The following ZNF704 variants were observed in gnomAD, a reference collection of about 807,000 sequenced individuals.
ZNF704 encodes the protein zinc finger protein 704.
ZNF704 carries 10 observed loss-of-function variants against 44.7 expected under a neutral mutation model. The ratio of observed to expected loss-of-function variants is 0.22; its 90% CI spans 0.14 to 0.38. ZNF704 has a LOEUF of 0.38. ZNF704 is among the 10% of genes least tolerant of loss of function. The pLI is 1.00. For missense variants in ZNF704, 390 were observed against 545.5 expected (o/e 0.71, Z 2.84); for synonymous variants, 211 against 207.6 (o/e 1.02, Z -0.14).
At chr8:80,754,343 C>T (rs1806999827) in intron 2 of ZNF704, among the ~76,000 whole-genome samples, 1 of 152,060 alleles carries the variant, frequency 6.6e-6, no homozygotes, top group Admixed American at 6.6e-5. Context: ...CTAACTAGTC[C>T]AACAAATATA....
chr8:80,829,649 C>A (rs899050278), intron 1 of ZNF704, among the ~76,000 whole-genome samples: 1 of 152,112 alleles, frequency 6.6e-6, no homozygotes, highest in Non-Finnish European at 1.5e-5. Context: ...AAATAGAATA[C>A]ATTTCCTATA....
Position 80,630,042 on chromosome 8 carries a change from G to A in ZNF704, c.*11324C>T, listed in dbSNP as rs531101397. On this transcript the variant is annotated 3_prime_UTR_variant, in exon 9 of 9. Transcript: ENST00000327835. The stretch of plus-strand genomic sequence containing the variant: ...TTCAATCTTTAAAAACATCAAGTAG[G>A]AGAATATAGATGGGCTTCCCATATC... 8.5e-5 allele frequency: 13 copies of A among 152,294 alleles called. No homozygotes were observed. The highest frequency in any genetic ancestry group is 3.1e-4 in the African/African-American group (13 of 41,558). 9.4% of individuals were successfully genotyped at this position (152,294 alleles called of 1,614,324 possible). A position where few individuals can be genotyped will look rare whatever the true frequency, so the allele number is the denominator to read the frequency against.
At chr8:80,736,770 C>T (rs187951604) in intron 2 of ZNF704, among the ~76,000 whole-genome samples, 13 of 152,104 alleles carry the variant, frequency 8.5e-5, no homozygotes, top group Admixed American at 6.6e-4. Context: ...AATGAGTGCA[C>T]CAAAATCTCA....
At chr8:80,737,835 C>A (rs2131688422) in intron 2 of ZNF704, among the ~76,000 whole-genome samples, 1 of 152,202 alleles carries the variant, frequency 6.6e-6, no homozygotes, top group East Asian at 1.9e-4. Context: ...CCTAAGAAAG[C>A]AGCATTAGTA....
chr8:80,650,108 T>C (rs1046961557), intron 7 of ZNF704, among the ~76,000 whole-genome samples: 2 of 152,210 alleles, frequency 1.3e-5, no homozygotes, highest in African/African-American at 2.4e-5. Flanking sequence ...GGGTCCTGAC[T>C]GTTAGAAGGA....
chr8:80,754,364 G>A (rs1586003693), intron 2 of ZNF704, among the ~76,000 whole-genome samples: 1 of 152,010 alleles, frequency 6.6e-6, no homozygotes, highest in Non-Finnish European at 1.5e-5. Flanking sequence ...GAAAAGGAAA[G>A]AACAAAAATA....
chr8:80,810,228 C>T (rs1290092551), intron 2 of ZNF704, among the ~76,000 whole-genome samples: 2 of 152,172 alleles, frequency 1.3e-5, no homozygotes, highest in Non-Finnish European at 2.9e-5. Flanking sequence ...CATCACCTAA[C>T]AGATAAAAAT....
At chr8:80,820,543 C>A (rs1358863240) in intron 2 of ZNF704, among the ~76,000 whole-genome samples, 1 of 151,440 alleles carries the variant, frequency 6.6e-6, no homozygotes, top group Non-Finnish European at 1.5e-5. Flanking sequence ...TTTTCTTTTA[C>A]ATATTTTAGA....
In ZNF704 at chr8:80,630,658, G is replaced by C. The variant is rs1817568902; in HGVS notation, c.*10708C>G. 1 of 152,126 alleles carries C rather than the reference G, an allele frequency of 6.6e-6. No homozygotes were observed. Among genetic ancestry groups the C allele is most frequent in the Non-Finnish European group, 1.5e-5 (1 of 68,014 alleles). 9.4% of individuals were successfully genotyped at this position (152,126 alleles called of 1,614,324 possible). A position where few individuals can be genotyped will look rare whatever the true frequency, so the allele number is the denominator to read the frequency against. Reference sequence around the variant, plus strand: ...AAATGACCGTAGGCCACTCGCAGTTGCATCTGATGATAGTCATGAACCCTT... The same window carrying C: ...AAATGACCGTAGGCCACTCGCAGTTCCATCTGATGATAGTCATGAACCCTT... On this transcript the variant is annotated 3_prime_UTR_variant, in exon 9 of 9. Coordinates refer to ENST00000327835, the MANE Select transcript of ZNF704 (RefSeq NM_001033723.3).
intron 4 of ZNF704, among the ~76,000 whole-genome samples, chr8:80,678,496 A>C (rs1563515871): frequency 6.6e-6 from 1 of 152,244 alleles, no homozygotes; most frequent in Non-Finnish European, 1.5e-5. Context: ...TAAGGCAATA[A>C]GAGCTTAAGA....
chr8:80,748,612 G>A (rs1378386363), intron 2 of ZNF704, among the ~76,000 whole-genome samples: 1 of 152,194 alleles, frequency 6.6e-6, no homozygotes, highest in Admixed American at 6.5e-5. Context: ...TAGTGGAAAT[G>A]GTAGGGGAAT....
chr8:80,727,159 G>T (rs553452673), intron 2 of ZNF704, among the ~76,000 whole-genome samples: 1 of 152,170 alleles, frequency 6.6e-6, no homozygotes, highest in Non-Finnish European at 1.5e-5. Context: ...CTGCCAGGTA[G>T]AATAGCAAGA....
Position 80,629,567 on chromosome 8 carries a change from G to T in ZNF704, c.*11799C>A, listed in dbSNP as rs1817552275. The T allele has an allele frequency of 6.6e-6, 1 of 152,118 alleles. No individual in the cohort carries two copies. Among genetic ancestry groups the T allele is most frequent in the African/African-American group, 2.4e-5 (1 of 41,428 alleles). 9.4% of individuals were successfully genotyped at this position (152,118 alleles called of 1,614,324 possible). A position where few individuals can be genotyped will look rare whatever the true frequency, so the allele number is the denominator to read the frequency against. ...AATGTAGTAAAGCACTGATTAAAGA[G>T]CGAAGACAAATTATTAGGGGAAAAA... On this transcript the variant is annotated 3_prime_UTR_variant, in exon 9 of 9. Coordinates refer to ENST00000327835, the MANE Select transcript of ZNF704 (RefSeq NM_001033723.3).
intron 3 of ZNF704, among the ~76,000 whole-genome samples, chr8:80,687,683 T>A (rs1818563427): frequency 6.6e-6 from 1 of 152,260 alleles, no homozygotes; most frequent in Admixed American, 6.5e-5. Flanking sequence ...TAATAGGTTT[T>A]TCTAAGAGTT....
At chr8:80,705,525 T>C (rs537764946) in intron 2 of ZNF704, among the ~76,000 whole-genome samples, 1 of 151,942 alleles carries the variant, frequency 6.6e-6, no homozygotes, top group African/African-American at 2.4e-5. Context: ...TCTCTGCATT[T>C]GTATCTATGT....
intron 1 of ZNF704, among the ~76,000 whole-genome samples, chr8:80,847,442 C>G (rs138770091): frequency 6.6e-6 from 1 of 152,102 alleles, no homozygotes; most frequent in Non-Finnish European, 1.5e-5. Context: ...ATCAAAATTC[C>G]AGCAATATTT....
intron 2 of ZNF704, among the ~76,000 whole-genome samples, chr8:80,768,747 C>T (rs983883695): frequency 6.6e-6 from 1 of 152,118 alleles, no homozygotes; most frequent in Admixed American, 6.5e-5. Context: ...TACATCTCTT[C>T]CCAACCCCGT....
intron 2 of ZNF704, among the ~76,000 whole-genome samples, chr8:80,802,958 G>C (rs913641110): frequency 6.6e-6 from 1 of 152,074 alleles, no homozygotes; most frequent in African/African-American, 2.4e-5. Context: ...CAGCCCAAAA[G>C]CTTCTCAAGC....
chr8:80,710,975 G>C (rs767466236), intron 2 of ZNF704, among the ~76,000 whole-genome samples: 4 of 152,182 alleles, frequency 2.6e-5, no homozygotes, highest in Non-Finnish European at 4.4e-5. Flanking sequence ...AGGCATGTGA[G>C]CTGCAGTTTC....
Sources: allele counts gnomAD v4.1 joint callset (sites outside exome capture counted in the v4.1 genomes callset), GRCh38; gene constraint gnomAD v4.1.1; transcripts MANE v1.5; gene names NCBI Gene and HGNC (gene_info 2026-07-23, HGNC 2026-07-21).